Variants in CDK13 observed in about 807,000 individuals in gnomAD.
The protein encoded by CDK13 is cyclin dependent kinase 13.
Under a neutral mutation model 137.6 loss-of-function variants are expected in CDK13, and 40 were observed. The ratio of observed to expected loss-of-function variants is 0.29; its 90% CI spans 0.23 to 0.38. CDK13 has a LOEUF of 0.38. Among genes scored for constraint, CDK13 ranks in the 10% least tolerant of loss-of-function variants. CDK13 has a pLI of 1.00. For missense variants in CDK13, 1,704 were observed against 1,951.8 expected (o/e 0.87, Z 2.39); for synonymous variants, 869 against 760.1 (o/e 1.14, Z -2.36).
At position 40,036,574 on chromosome 7, in the gene CDK13, A is replaced by G. The variant is rs1230756478; in HGVS notation, c.2354-9262A>G. 1.6e-4 allele frequency among the ~76,000 whole-genome samples: 25 copies of G among 152,318 alleles called. 1 individual carries two copies. The highest frequency in any genetic ancestry group is 1.5e-3 in the East Asian group (8 of 5,186). On this transcript the variant is annotated intron_variant, in intron 5 of 13. Coordinates refer to ENST00000181839, the MANE Select transcript of CDK13 (RefSeq NM_003718.5). ...TGACAGCGCGAGACTCCGTCTCAAA[A>G]AAAATTAAATTAAATTACATTAAAA...
intron 9 of CDK13, among the ~76,000 whole-genome samples, chr7:40,075,035 TTATAG>T (rs1285635456): frequency 6.6e-6 from 1 of 152,014 alleles, no homozygotes; most frequent in African/African-American, 2.4e-5. Flanking sequence ...TTTTGGAGTG[TTATAG>T]TATTGATTAT....
chr7:39,951,205 G>C lies in CDK13; in HGVS notation c.564G>C (p.Gln188His). The change falls in exon 1 of 14, where the codon CAG becomes CAC. Residue 188 changes from glutamine (Q) to histidine (H), a missense_variant. By Grantham distance (24) the Gln-to-His change is conservative. Transcript: ENST00000181839. ...GTCCGGCCTCCTCCTCCGGCACCCAGCGGCGCGGGGAGGGGTCGGAGCGCA... is the reference window on the plus strand; with the variant it reads ...GTCCGGCCTCCTCCTCCGGCACCCACCGGCGCGGGGAGGGGTCGGAGCGCA... ...GGSPASSSGT[Q>H]RRGEGSERRP... 1 of 1,251,944 alleles carries C rather than the reference G, an allele frequency of 8.0e-7. No individual in the cohort carries two copies. Among genetic ancestry groups the C allele is most frequent in the African/African-American group, 1.6e-5 (1 of 64,320 alleles). 77.6% of individuals were successfully genotyped at this position (1,251,944 alleles called of 1,614,324 possible).
At chr7:40,052,910 T>C (rs1395448521) in intron 7 of CDK13, among the ~76,000 whole-genome samples, 1 of 152,104 alleles carries the variant, frequency 6.6e-6, no homozygotes. Context: ...GGATTCTAGG[T>C]AATGAAAAGG....
intron 1 of CDK13, among the ~76,000 whole-genome samples, chr7:39,976,323 T>TCTCTCTCTCTCTCTCTCACACACACACA: frequency 4.5e-4 from 18 of 39,564 alleles, no homozygotes; most frequent in Non-Finnish European, 5.3e-4. Flanking sequence ...TCTCTCTCTC[T>TCTCTCTCTCTCTCTCTCACACACACACA]CACACACACA....
At chr7:40,036,195 C>CACACACACAT (rs1266435851) in intron 5 of CDK13, among the ~76,000 whole-genome samples, 1 of 147,896 alleles carries the variant, frequency 6.8e-6, no homozygotes, top group Non-Finnish European at 1.5e-5. Flanking sequence ...CACACACACA[C>CACACACACAT]ACATATAAAA....
In CDK13 at chr7:40,019,892, C is replaced by G. The variant is rs146592523; in HGVS notation, c.2353+17861C>G. 6.8e-4 allele frequency among the ~76,000 whole-genome samples: 103 copies of G among 152,118 alleles called. 1 individual carries two copies. Among genetic ancestry groups the G allele is most frequent in the African/African-American group, 2.3e-3 (97 of 41,484 alleles). ...GATGTTATCAGAAACTCAGTGTATG[C>G]CATAATGCATGATGCTTCATTCTCA... On this transcript the variant is annotated intron_variant, in intron 5 of 13. Coordinates refer to ENST00000181839, the MANE Select transcript of CDK13 (RefSeq NM_003718.5).
chr7:40,040,015 T>C (rs1522879), intron 5 of CDK13, among the ~76,000 whole-genome samples: 30,828 of 151,524 alleles, frequency 0.2, 3,923 homozygotes, highest in Non-Finnish European at 0.27. Flanking sequence ...TTTGCTTTTT[T>C]TTTTTTTTTG....
chr7:39,976,343 A>T (rs1784111758), intron 1 of CDK13, among the ~76,000 whole-genome samples: 1 of 143,688 alleles, frequency 7.0e-6, no homozygotes, highest in Non-Finnish European at 1.5e-5. Flanking sequence ...ACACACACAC[A>T]CACACACACA....
intron 9 of CDK13, chr7:40,072,507 A>G (rs1022352751): frequency 2.6e-5 from 4 of 152,196 alleles, no homozygotes; most frequent in Admixed American, 6.5e-5. Flanking sequence ...TCCTGTTAAT[A>G]TAGTTTGTTG....
chr7:39,988,574 CAG>C (rs1784390524), intron 2 of CDK13, among the ~76,000 whole-genome samples: 2 of 152,058 alleles, frequency 1.3e-5, no homozygotes, highest in Non-Finnish European at 2.9e-5. Flanking sequence ...TAATCAGAGA[CAG>C]AATATTTTAT....
In CDK13 at chr7:39,992,099, A is replaced by G. The variant is rs952447795; in HGVS notation, c.1871+3841A>G. The stretch of plus-strand genomic sequence containing the variant: ...CACACACACACACACACACACACAC[A>G]CACACGCACACACACACACAAGCAC... On this transcript the variant is annotated intron_variant, in intron 2 of 13. Coordinates refer to ENST00000181839, the MANE Select transcript of CDK13 (RefSeq NM_003718.5). 6.3e-3 allele frequency among the ~76,000 whole-genome samples: 755 copies of G among 120,044 alleles called. 13 individuals are homozygous for G. Among genetic ancestry groups the G allele is most frequent in the African/African-American group, 0.042 (695 of 16,662 alleles). The allele number at this position is 120,044 out of a possible 152,430, so 78.8% of individuals were successfully genotyped here.
rs745475754 is a variant in CDK13, at chr7:39,951,856, AGTTCTGCC to A, written c.1211+13_1211+20del. ...GTCCCTACAGCCCTGTGCTCAGGTG[AGTTCTGCC>A]GTTCTGCCTGTGTGTGCCTTGGCTG... is the stretch of plus-strand genomic sequence containing the variant. On this transcript the variant is annotated splice_donor_5th_base_variant and intron_variant, in intron 1 of 13. Coordinates refer to ENST00000181839, the MANE Select transcript of CDK13 (RefSeq NM_003718.5). 1.5e-4 allele frequency: 209 copies of A among 1,365,512 alleles called. No homozygotes were observed. The highest frequency in any genetic ancestry group is 1.9e-4 in the Middle Eastern group (1 of 5,148). 84.6% of individuals were successfully genotyped at this position (1,365,512 alleles called of 1,614,324 possible). A position where few individuals can be genotyped will look rare whatever the true frequency, so the allele number is the denominator to read the frequency against.
At chr7:39,955,394 T>C (rs1372281149) in intron 1 of CDK13, among the ~76,000 whole-genome samples, 1 of 152,144 alleles carries the variant, frequency 6.6e-6, no homozygotes, top group Non-Finnish European at 1.5e-5. Flanking sequence ...TTAAAGAGCA[T>C]GGATTTTGGT....
At chr7:40,022,689 G>A (rs965190057) in intron 5 of CDK13, among the ~76,000 whole-genome samples, 2 of 151,550 alleles carry the variant, frequency 1.3e-5, no homozygotes, top group African/African-American at 4.8e-5. Context: ...ATTGAACCAG[G>A]GTCAAAGCAG....
intron 1 of CDK13, among the ~76,000 whole-genome samples, chr7:39,968,607 G>T (rs1317333605): frequency 6.6e-6 from 1 of 152,224 alleles, no homozygotes; most frequent in African/African-American, 2.4e-5. Context: ...CCAAAAATCA[G>T]TTGACTATAA....
chr7:40,000,491 C>A (rs1223163069), intron 4 of CDK13, among the ~76,000 whole-genome samples: 1 of 151,924 alleles, frequency 6.6e-6, no homozygotes, highest in Non-Finnish European at 1.5e-5. Context: ...TGCAGTGAGC[C>A]GAGATTGGAC....
At chr7:40,079,725 T>G (rs539682378) in intron 11 of CDK13, among the ~76,000 whole-genome samples, 2 of 152,266 alleles carry the variant, frequency 1.3e-5, no homozygotes, top group Admixed American at 1.3e-4. Flanking sequence ...AAATACTTTA[T>G]AGCATAGTAT....
chr7:39,961,443 T>G (rs1339577426), intron 1 of CDK13, among the ~76,000 whole-genome samples: 1 of 152,098 alleles, frequency 6.6e-6, no homozygotes, highest in Non-Finnish European at 1.5e-5. Flanking sequence ...TCGCTAAAAT[T>G]TATTACTTCT....
chr7:39,986,654 A>G (rs1327578788), intron 1 of CDK13: 1 of 152,200 alleles, frequency 6.6e-6, no homozygotes, highest in Non-Finnish European at 1.5e-5. Context: ...TGATATGTAT[A>G]TTAACTTTTT....
Sources: gnomAD v4.1 joint callset for allele counts (sites outside exome capture counted in the v4.1 genomes callset) on GRCh38, gnomAD v4.1.1 for gene constraint, MANE v1.5 for transcripts, NCBI Gene and HGNC (gene_info 2026-07-23, HGNC 2026-07-21) for gene names.